The following IFT56 variants were observed in gnomAD, a reference collection of about 807,000 sequenced individuals.
IFT56 encodes the protein intraflagellar transport 56.
At chr7:139,140,162 G>GTAAC in the IFT56 span, among the ~76,000 whole-genome samples, 3,427 of 152,100 alleles carry the variant, frequency 0.023, 97 homozygotes, top group African/African-American at 0.076. Context: ...TTGGATTTGA[G>GTAAC]TAACTATGTT....
chr7:139,139,814 C>G, the IFT56 span: 1 of 900,996 alleles, frequency 1.1e-6, no homozygotes, highest in African/African-American at 1.7e-5. Flanking sequence ...AGTATGAAAT[C>G]CTATTCCATT....
chr7:139,166,662 A>T, the IFT56 span, among the ~76,000 whole-genome samples: 3 of 152,252 alleles, frequency 2.0e-5, no homozygotes, highest in East Asian at 5.8e-4. Flanking sequence ...TTTTCTAAGG[A>T]TATTTGGTTA....
At chr7:139,187,318 C>G in the IFT56 span, 2 of 1,481,688 alleles carry the variant, frequency 1.3e-6, no homozygotes, top group African/African-American at 2.8e-5. Flanking sequence ...TTATTTCATA[C>G]AGTCCCGTTT....
chr7:139,184,723 AC>A, the IFT56 span, among the ~76,000 whole-genome samples: 1 of 152,188 alleles, frequency 6.6e-6, no homozygotes, highest in Non-Finnish European at 1.5e-5. Context: ...AGCCAGGGCA[AC>A]ATAGTGAGAC....
At chr7:139,138,501 G>A in the IFT56 span, among the ~76,000 whole-genome samples, 2 of 152,052 alleles carry the variant, frequency 1.3e-5, no homozygotes, top group African/African-American at 4.8e-5. Flanking sequence ...GATAAAGGAG[G>A]GCTACTGTAT....
the IFT56 span, chr7:139,142,336 T>C: frequency 6.3e-7 from 1 of 1,586,480 alleles, no homozygotes; most frequent in Non-Finnish European, 8.6e-7. Flanking sequence ...CATTTTTTTG[T>C]TTTAAAAATA....
At chr7:139,138,831 T>C in the IFT56 span, among the ~76,000 whole-genome samples, 2 of 144,730 alleles carry the variant, frequency 1.4e-5, no homozygotes, top group Admixed American at 7.0e-5. Flanking sequence ...TTTTTTTTGA[T>C]ACGGAGTCTT....
chr7:139,176,593 A>G, the IFT56 span, among the ~76,000 whole-genome samples: 1 of 152,192 alleles, frequency 6.6e-6, no homozygotes, highest in African/African-American at 2.4e-5. Context: ...ATAAAAAGAG[A>G]TGCTAGTTAG....
chr7:139,139,847 G>A, the IFT56 span: 7 of 1,353,128 alleles, frequency 5.2e-6, no homozygotes, highest in African/African-American at 7.3e-5. Context: ...CCCATCAATT[G>A]CTTTGCTGCC....
chr7:139,135,277 C>CAAAAAAAAAAA, the IFT56 span, among the ~76,000 whole-genome samples: 12 of 62,982 alleles, frequency 1.9e-4, 1 homozygote, highest in Middle Eastern at 6.7e-3. Context: ...GACTCCGTCT[C>CAAAAAAAAAAA]AAAAAAAAAA....
chr7:139,135,915 C>CT, the IFT56 span, among the ~76,000 whole-genome samples: 32,481 of 149,552 alleles, frequency 0.22, 6,194 homozygotes, highest in African/African-American at 0.49. Flanking sequence ...AGTTCACTTT[C>CT]TTTTTTTTTT....
At chr7:139,183,961 A>G in the IFT56 span, among the ~76,000 whole-genome samples, 1 of 152,248 alleles carries the variant, frequency 6.6e-6, no homozygotes, top group Non-Finnish European at 1.5e-5. Flanking sequence ...TATAATGAGA[A>G]GTCTGACTCC....
chr7:139,169,698 A>G, the IFT56 span, among the ~76,000 whole-genome samples: 1 of 152,140 alleles, frequency 6.6e-6, no homozygotes, highest in Admixed American at 6.6e-5. Flanking sequence ...TTTGCCTATG[A>G]TATTTTTTTC....
the IFT56 span, among the ~76,000 whole-genome samples, chr7:139,153,844 A>G: frequency 2.6e-5 from 4 of 152,168 alleles, no homozygotes; most frequent in Non-Finnish European, 5.9e-5. Flanking sequence ...CAATTCTCTC[A>G]GGTTTATACC....
the IFT56 span, chr7:139,133,953 G>GC: frequency 2.7e-6 from 4 of 1,499,542 alleles, no homozygotes; most frequent in Non-Finnish European, 3.7e-6. Flanking sequence ...AAGTCTAGGT[G>GC]TGTCCGCAGA....
the IFT56 span, among the ~76,000 whole-genome samples, chr7:139,163,467 A>G: frequency 6.6e-6 from 1 of 152,214 alleles, no homozygotes; most frequent in Non-Finnish European, 1.5e-5. Context: ...GAATTTGGCT[A>G]AAGAGATTAA....
At chr7:139,134,696 G>C in the IFT56 span, 2 of 1,613,910 alleles carry the variant, frequency 1.2e-6, no homozygotes, top group African/African-American at 2.7e-5. Flanking sequence ...GAGGCGTACA[G>C]CACACTGACA....
chr7:139,136,821 CT>C, the IFT56 span, among the ~76,000 whole-genome samples: 1 of 152,160 alleles, frequency 6.6e-6, no homozygotes, highest in East Asian at 1.9e-4. Flanking sequence ...TTGGAGTACC[CT>C]GCTGCATGGG....
At chr7:139,171,288 A>G in the IFT56 span, among the ~76,000 whole-genome samples, 5 of 152,214 alleles carry the variant, frequency 3.3e-5, no homozygotes, top group Non-Finnish European at 7.4e-5. Flanking sequence ...TGCAAATTCA[A>G]TGCAATCCCT....
Sources: gnomAD v4.1 joint callset for allele counts (sites outside exome capture counted in the v4.1 genomes callset) on GRCh38, gnomAD v4.1.1 for gene constraint, MANE v1.5 for transcripts, NCBI Gene and HGNC (gene_info 2026-07-23, HGNC 2026-07-21) for gene names.